ADK: variants seen among roughly 807,000 people sequenced by gnomAD.
The protein encoded by ADK is N6,N6-dimethyladenosine kinase.
In ADK, 24 loss-of-function variants were observed where a neutral mutation model predicts 44.7. The observed-to-expected ratio is 0.54, with a 90% CI of 0.39 to 0.76. The LOEUF is 0.76. Ranked by LOEUF, ADK falls within the 30% of genes least tolerant of loss-of-function variation. ADK has a pLI of 0.00. For missense variants in ADK, 321 were observed against 425.1 expected (o/e 0.76, Z 2.15); for synonymous variants, 128 against 142.6 (o/e 0.90, Z 0.73).
intron 1 of ADK, among the ~76,000 whole-genome samples, chr10:74,181,768 A>G (rs1050250449): frequency 2.0e-5 from 3 of 152,134 alleles, no homozygotes; most frequent in Non-Finnish European, 4.4e-5. Flanking sequence ...TCCCCTCTGA[A>G]TATTGCCTTG....
intron 10 of ADK, among the ~76,000 whole-genome samples, chr10:74,672,849 A>G (rs1472841342): frequency 6.6e-6 from 1 of 152,174 alleles, no homozygotes; most frequent in Non-Finnish European, 1.5e-5. Flanking sequence ...TTTACTGATG[A>G]AAAAAACAGA....
At chr10:74,693,342 A>G (rs568923458) in intron 10 of ADK, among the ~76,000 whole-genome samples, 1 of 152,282 alleles carries the variant, frequency 6.6e-6, no homozygotes, top group Admixed American at 6.5e-5. Context: ...TAATTTTTTT[A>G]AACCCAAGTG....
chr10:74,498,985 C>G (rs1346588937), intron 6 of ADK, among the ~76,000 whole-genome samples: 1 of 152,188 alleles, frequency 6.6e-6, no homozygotes, highest in Non-Finnish European at 1.5e-5. Flanking sequence ...TATGCTTGGA[C>G]TATCAGAAAA....
intron 7 of ADK, among the ~76,000 whole-genome samples, chr10:74,544,636 G>T (rs1000383649): frequency 1.3e-4 from 20 of 152,058 alleles, no homozygotes; most frequent in Non-Finnish European, 2.6e-4. Context: ...CAGCATTTTG[G>T]GGGGCTGAGG....
chr10:74,177,797 G>A (rs1842397637), intron 1 of ADK, among the ~76,000 whole-genome samples: 1 of 151,858 alleles, frequency 6.6e-6, no homozygotes, highest in African/African-American at 2.4e-5. Flanking sequence ...ACCCGTCCTG[G>A]TGATTTGAGG....
intron 3 of ADK, among the ~76,000 whole-genome samples, chr10:74,273,017 A>G (rs962312178): frequency 1.3e-5 from 2 of 152,178 alleles, no homozygotes; most frequent in African/African-American, 4.8e-5. Context: ...AAGAGATGAG[A>G]GGATTTAAAA....
At chr10:74,408,694 T>G (rs1844051495) in intron 6 of ADK, among the ~76,000 whole-genome samples, 1 of 152,224 alleles carries the variant, frequency 6.6e-6, no homozygotes, top group South Asian at 2.1e-4. Context: ...TGTATATGTA[T>G]TATATTCTGT....
chr10:74,659,754 C>T (rs1018663116), intron 9 of ADK, among the ~76,000 whole-genome samples: 8 of 152,126 alleles, frequency 5.3e-5, no homozygotes, highest in Admixed American at 1.3e-4. Flanking sequence ...AAGCATCCAG[C>T]GCAGGAGAAA....
intron 7 of ADK, among the ~76,000 whole-genome samples, chr10:74,582,956 A>G (rs1851418871): frequency 3.9e-5 from 6 of 152,194 alleles, no homozygotes; most frequent in Admixed American, 3.9e-4. Context: ...CTCACATTTT[A>G]TGCAACAAAT....
At chr10:74,473,689 C>T (rs1285457656) in intron 6 of ADK, among the ~76,000 whole-genome samples, 2 of 152,176 alleles carry the variant, frequency 1.3e-5, no homozygotes, top group African/African-American at 4.8e-5. Flanking sequence ...TCAAGGTGTA[C>T]GTAGTATCAA....
At chr10:74,259,282 A>C (rs1270865231) in intron 3 of ADK, among the ~76,000 whole-genome samples, 1 of 151,350 alleles carries the variant, frequency 6.6e-6, no homozygotes, top group Non-Finnish European at 1.5e-5. Context: ...TGAACATGTA[A>C]GCATGTGCAC....
At chr10:74,635,157 G>A (rs1240539970) in intron 9 of ADK, among the ~76,000 whole-genome samples, 1 of 152,160 alleles carries the variant, frequency 6.6e-6, no homozygotes, top group Non-Finnish European at 1.5e-5. Context: ...ACCACAGGCA[G>A]AATAAATACA....
At chr10:74,635,087 C>T (rs1853579615) in intron 9 of ADK, among the ~76,000 whole-genome samples, 1 of 152,190 alleles carries the variant, frequency 6.6e-6, no homozygotes, top group African/African-American at 2.4e-5. Context: ...TGAATAATGG[C>T]TGTAAGGTTT....
At chr10:74,591,402 T>A (rs909696912) in intron 8 of ADK, among the ~76,000 whole-genome samples, 4 of 152,184 alleles carry the variant, frequency 2.6e-5, no homozygotes, top group African/African-American at 9.6e-5. Flanking sequence ...GCACATAGTG[T>A]CTTGATGTGT....
chr10:74,350,881 G>T (rs1841940783), intron 4 of ADK, among the ~76,000 whole-genome samples: 1 of 152,194 alleles, frequency 6.6e-6, no homozygotes. Context: ...AATCCAGGGA[G>T]AAGTTGAATC....
At chr10:74,505,427 G>C (rs1848030192) in intron 6 of ADK, among the ~76,000 whole-genome samples, 1 of 151,530 alleles carries the variant, frequency 6.6e-6, no homozygotes, top group Non-Finnish European at 1.5e-5. Flanking sequence ...TCTCCATCAA[G>C]TCATCTTCTG....
intron 7 of ADK, among the ~76,000 whole-genome samples, chr10:74,547,537 A>G (rs1440119187): frequency 1.4e-5 from 2 of 139,060 alleles, no homozygotes; most frequent in South Asian, 2.2e-4. Flanking sequence ...GCTGGAGTGC[A>G]GTGGTGCAAT....
At chr10:74,406,609 A>G (rs1185231039) in intron 6 of ADK, among the ~76,000 whole-genome samples, 1 of 151,558 alleles carries the variant, frequency 6.6e-6, no homozygotes, top group East Asian at 1.9e-4. Flanking sequence ...TCTGTTTTCA[A>G]TATTTTTGTT....
chr10:74,191,004 G>A (rs1486724350), intron 1 of ADK, among the ~76,000 whole-genome samples: 2 of 125,560 alleles, frequency 1.6e-5, no homozygotes, highest in African/African-American at 3.0e-5. Flanking sequence ...TTTTTGAGAT[G>A]CAGTCTTGCA....
Sources: allele counts gnomAD v4.1 joint callset (sites outside exome capture counted in the v4.1 genomes callset), GRCh38; gene constraint gnomAD v4.1.1; transcripts MANE v1.5; gene names NCBI Gene and HGNC (gene_info 2026-07-23, HGNC 2026-07-21).